The following GLI2 variants were observed in gnomAD, a reference collection of about 807,000 sequenced individuals.
GLI2 encodes GLI family zinc finger 2.
Under a neutral mutation model 78.9 loss-of-function variants are expected in GLI2, and 22 were observed. The ratio of observed to expected loss-of-function variants is 0.28; its 90% CI spans 0.20 to 0.40. The LOEUF (loss-of-function observed/expected upper bound fraction) is 0.40, where lower values mean the gene tolerates loss of function less well. Among genes scored for constraint, GLI2 ranks in the 10% least tolerant of loss-of-function variants. GLI2 has a pLI of 1.00. For synonymous variants in GLI2, 974 were observed against 963.7 expected (o/e 1.01, Z -0.20); for missense variants, 2,097 against 2,213.2 (o/e 0.95, Z 1.05).
At chr2:120,901,002 G>T (rs1465816497) in intron 2 of GLI2, among the ~76,000 whole-genome samples, 2 of 152,176 alleles carry the variant, frequency 1.3e-5, no homozygotes, top group Admixed American at 6.5e-5. Context: ...GGGTTTGTTT[G>T]TACCAGGGTA....
In GLI2 at chr2:120,972,035, G is replaced by T. The variant is rs755928574; in HGVS notation, c.1154G>T (p.Arg385Leu). 1.2e-6 allele frequency: 2 copies of T among 1,613,302 alleles called. No homozygotes were observed. Among genetic ancestry groups the T allele is most frequent in the African/African-American group, 2.7e-5 (2 of 74,950 alleles). The change falls in exon 8 of 14, where the codon CGG becomes CTG. Residue 385 changes from arginine (R) to leucine (L), a missense_variant. By Grantham distance (102) the Arg-to-Leu change is moderately radical. Transcript: ENST00000361492. ...GTCAAGACCGAGCCTGAGGGCCTGC[G>T]GCCGGCCTCCCCTCTGGCGCTGACG... Reference protein sequence around the residue: ...SKVKTEPEGLRPASPLALTQE... With the variant: ...SKVKTEPEGLLPASPLALTQE...
At chr2:120,986,164 C>A in intron 12 of GLI2, 114 bp from the exon 13 acceptor site, 1 of 923,544 alleles carries the variant, frequency 1.1e-6, no homozygotes, top group Non-Finnish European at 1.7e-6. Context: ...TTCCTTCCCT[C>A]ACCCTCAGCC....
rs1470956849 is a variant in GLI2 at position 120,834,884 on chromosome 2, TCCTC to T, written c.148+37417_148+37420del. The stretch of plus-strand genomic sequence containing the variant: ...CGTGTGTAAGGACCTTCTGGTGCAC[TCCTC>T]ATGTGGCATTTCAGGGGCTCTGCAC... On this transcript the variant is annotated intron_variant, in intron 2 of 13. Coordinates refer to ENST00000361492, the MANE Select transcript of GLI2 (RefSeq NM_001374353.1). 1.2e-4 allele frequency among the ~76,000 whole-genome samples: 19 copies of T among 152,192 alleles called. No homozygotes were observed. In the East Asian group the frequency reaches 2.9e-3, roughly 23 times the overall value.
rs1406444413 is a variant in GLI2 at position 120,988,297 on chromosome 2, G to A, written c.2332G>A (p.Glu778Lys). 3.2e-6 allele frequency: 5 copies of A among 1,564,884 alleles called. No homozygotes were observed. The East Asian group carries it at 9.6e-5, about 30-fold the overall frequency. The change falls in exon 14 of 14, where the codon GAG becomes AAG. Residue 778 changes from glutamate to lysine, a missense_variant. Transcript: ENST00000361492. ...GCGGCTGTCGGAGCTGTCCGCGAGC[G>A]AGGTGACCATGCTGAGCCAGCTGCA... ...NPRLSELSAS[E>K]VTMLSQLQER...
intron 3 of GLI2, among the ~76,000 whole-genome samples, chr2:120,934,570 G>A (rs1333535875): frequency 6.6e-6 from 1 of 152,186 alleles, no homozygotes; most frequent in African/African-American, 2.4e-5. Flanking sequence ...GCTCAGGGTT[G>A]TAGCTATCAA....
chr2:120,889,219 A>C (rs1369774521), intron 2 of GLI2, among the ~76,000 whole-genome samples: 1 of 152,202 alleles, frequency 6.6e-6, no homozygotes, highest in African/African-American at 2.4e-5. Flanking sequence ...TAGCCTGCTG[A>C]GATGCTCGAG....
chr2:120,921,082 G>A (rs1411747175), intron 2 of GLI2, among the ~76,000 whole-genome samples: 1 of 152,124 alleles, frequency 6.6e-6, no homozygotes, highest in East Asian at 1.9e-4. Flanking sequence ...TCCCTCCTCA[G>A]CCTGGCCAGG....
intron 1 of GLI2, among the ~76,000 whole-genome samples, chr2:120,773,939 C>A (rs1411466868): frequency 1.4e-5 from 2 of 138,930 alleles, no homozygotes; most frequent in South Asian, 5.3e-4. Flanking sequence ...CCTTCCCTCC[C>A]TCCCTCCCTC....
intron 1 of GLI2, among the ~76,000 whole-genome samples, chr2:120,785,679 T>C (rs892157324): frequency 3.9e-5 from 6 of 152,200 alleles, no homozygotes; most frequent in African/African-American, 1.4e-4. Flanking sequence ...GCCTTGGAGA[T>C]TGCTGGCTCG....
At chr2:120,807,819 G>C (rs1433765158) in intron 2 of GLI2, among the ~76,000 whole-genome samples, 1 of 151,496 alleles carries the variant, frequency 6.6e-6, no homozygotes, top group Non-Finnish European at 1.5e-5. Context: ...ACTCAGCCAG[G>C]CCCTGTGTGC....
At chr2:120,869,431 G>A (rs969521466) in intron 2 of GLI2, among the ~76,000 whole-genome samples, 4 of 152,130 alleles carry the variant, frequency 2.6e-5, no homozygotes, top group African/African-American at 9.7e-5. Flanking sequence ...AACTTTTGAA[G>A]CATGAAATGA....
intron 2 of GLI2, among the ~76,000 whole-genome samples, chr2:120,927,080 G>A (rs1488206755): frequency 6.6e-6 from 1 of 152,228 alleles, no homozygotes; most frequent in Non-Finnish European, 1.5e-5. Flanking sequence ...CCAGTTTTGT[G>A]GCCCTGCCTG....
At chr2:120,841,618 T>C (rs181410472) in intron 2 of GLI2, among the ~76,000 whole-genome samples, 4 of 152,304 alleles carry the variant, frequency 2.6e-5, no homozygotes, top group African/African-American at 7.2e-5. Flanking sequence ...TTACCGAGGG[T>C]CTTCTGTGTG....
chr2:120,988,553 A>G lies in GLI2; in HGVS notation c.2588A>G (p.Asn863Ser), dbSNP rs1278578252. ...TGCAGCGGCGGCTCCGGGCTGCTCAACCTCACGCCGGCGCAGCAGTACAGC... is the reference window on the plus strand; with the variant it reads ...TGCAGCGGCGGCTCCGGGCTGCTCAGCCTCACGCCGGCGCAGCAGTACAGC... ...SQCSGGSGLL[N>S]LTPAQQYSLR... Residue 863 changes from asparagine to serine, a missense_variant, in exon 14 of 14, where the codon AAC (asparagine) becomes AGC (serine). By Grantham distance (46) the Asn-to-Ser change is conservative. This residue lies in a region of GLI2 where 1,290 missense variants were observed against 1,261.7 expected (regional missense o/e 1.02). Coordinates refer to ENST00000361492, the MANE Select transcript of GLI2 (RefSeq NM_001374353.1). The G allele has an allele frequency of 6.7e-7, 1 of 1,501,102 alleles. No homozygotes were observed. Among genetic ancestry groups the G allele is most frequent in the Non-Finnish European group, 8.8e-7 (1 of 1,131,942 alleles). 93.0% of individuals were successfully genotyped at this position (1,501,102 alleles called of 1,614,324 possible). A position where few individuals can be genotyped will look rare whatever the true frequency, so the allele number is the denominator to read the frequency against.
intron 1 of GLI2, 99 bp downstream of exon 1, chr2:120,736,384 G>C (rs922890204): frequency 6.6e-6 from 1 of 152,138 alleles, no homozygotes; most frequent in African/African-American, 2.4e-5. Context: ...CGTCTCGGGG[G>C]GTCCCTCGGC....
At chr2:120,907,776 C>CAA (rs1362690156) in intron 2 of GLI2, among the ~76,000 whole-genome samples, 2 of 152,226 alleles carry the variant, frequency 1.3e-5, no homozygotes, top group Non-Finnish European at 2.9e-5. Flanking sequence ...AACACACACA[C>CAA]ACACAGAGTT....
chr2:120,984,643 G>C lies in GLI2; in HGVS notation c.1805G>C (p.Gly602Ala). The stretch of plus-strand genomic sequence containing the variant: ...AAAGAGAATGGGGACAGTGAGGCCG[G>C]CACGGAGCCTGGCGGCCCAGAGAGC... ...LLKENGDSEA[G>A]TEPGGPESTE... The change falls in exon 12 of 14, where the codon GGC (glycine) becomes GCC (alanine). Residue 602 changes from glycine (G) to alanine (A), a missense_variant. Transcript: ENST00000361492. The C allele has an allele frequency of 6.2e-7, 1 of 1,614,102 alleles. No individual in the cohort carries two copies. Among genetic ancestry groups the C allele is most frequent in the South Asian group, 1.1e-5 (1 of 91,078 alleles).
At chr2:120,896,921 CA>C (rs143937145) in intron 2 of GLI2, among the ~76,000 whole-genome samples, 8,920 of 152,028 alleles carry the variant, frequency 0.059, 383 homozygotes, top group African/African-American at 0.12. Context: ...TGGCGGAGAT[CA>C]GGGGAAAGAA....
intron 1 of GLI2, among the ~76,000 whole-genome samples, chr2:120,767,545 C>T (rs1469584135): frequency 1.3e-5 from 2 of 152,214 alleles, no homozygotes; most frequent in African/African-American, 2.4e-5. Flanking sequence ...TAGTAATTTT[C>T]AAGAAAGAGG....
Sources: gnomAD v4.1 joint callset for allele counts (sites outside exome capture counted in the v4.1 genomes callset) on GRCh38, gnomAD v4.1.1 for gene constraint, gnomAD v4.1.1 regional missense constraint, MANE v1.5 for transcripts, NCBI Gene and HGNC (gene_info 2026-07-23, HGNC 2026-07-21) for gene names.